SORCS1: variants seen among roughly 807,000 people sequenced by gnomAD.
The protein encoded by SORCS1 is VPS10 domain-containing receptor SorCS1.
In SORCS1, 60 loss-of-function variants were observed where a neutral mutation model predicts 146.1. The ratio of observed to expected loss-of-function variants is 0.41; its 90% CI spans 0.33 to 0.51. The LOEUF (loss-of-function observed/expected upper bound fraction) is 0.51, where lower values mean the gene tolerates loss of function less well. Among genes scored for constraint, SORCS1 ranks in the 20% least tolerant of loss-of-function variants. The pLI is 0.21. For missense variants in SORCS1, 1,352 were observed against 1,487.6 expected (o/e 0.91, Z 1.50); for synonymous variants, 637 against 584.0 (o/e 1.09, Z -1.31).
chr10:106,574,223 A>T lies in SORCS1; in HGVS notation c.*3197T>A, dbSNP rs1162669860. Reference sequence around the variant, plus strand: ...GCAAACCTCTGCATTTTGGACAGTGAATCCAATTAAAAATAAGGCAAGGTA... The same window carrying T: ...GCAAACCTCTGCATTTTGGACAGTGTATCCAATTAAAAATAAGGCAAGGTA... On this transcript the variant is annotated 3_prime_UTR_variant, in exon 26 of 26. Transcript: ENST00000263054. 6.6e-6 allele frequency: 1 copy of T among 152,638 alleles called. No individual in the cohort carries two copies. The highest frequency in any genetic ancestry group is 1.5e-5 in the Non-Finnish European group (1 of 68,042). The allele number at this position is 152,638 out of a possible 1,614,324, so 9.5% of individuals were successfully genotyped here.
chr10:106,989,282 A>G (rs1271726257), intron 1 of SORCS1, among the ~76,000 whole-genome samples: 3 of 136,200 alleles, frequency 2.2e-5, no homozygotes, highest in Non-Finnish European at 1.7e-5. Flanking sequence ...AAAAAAAAAA[A>G]AAAAAAAAAA....
At chr10:106,652,014 TAGC>T (rs1167796472) in intron 18 of SORCS1, among the ~76,000 whole-genome samples, 1 of 152,204 alleles carries the variant, frequency 6.6e-6, no homozygotes, top group Non-Finnish European at 1.5e-5. Flanking sequence ...ATGAAAGTAT[TAGC>T]ATCTCTTAGG....
chr10:106,914,203 C>T (rs1428367433), intron 2 of SORCS1, among the ~76,000 whole-genome samples: 1 of 152,166 alleles, frequency 6.6e-6, no homozygotes, highest in Non-Finnish European at 1.5e-5. Context: ...GAGGAGGATG[C>T]TGGGTTTTAA....
At chr10:106,968,086 T>C (rs1589814758) in intron 1 of SORCS1, among the ~76,000 whole-genome samples, 1 of 150,050 alleles carries the variant, frequency 6.7e-6, no homozygotes, top group African/African-American at 2.4e-5. Flanking sequence ...GGCGGGTGCC[T>C]GTAGTCCCAG....
At chr10:106,721,813 T>C (rs1053838955) in intron 6 of SORCS1, among the ~76,000 whole-genome samples, 1 of 152,238 alleles carries the variant, frequency 6.6e-6, no homozygotes, top group African/African-American at 2.4e-5. Context: ...TATGTGTGTA[T>C]GTGTATATAT....
rs548788206 is a variant in SORCS1 at position 106,710,653 on chromosome 10, C to T, written c.1025-1312G>A. 2.6e-5 allele frequency among the ~76,000 whole-genome samples: 4 copies of T among 152,216 alleles called. No homozygotes were observed. The East Asian group carries it at 7.7e-4, about 29-fold the overall frequency. ...TTGAGCACACTATCCTGGCCTCTAT[C>T]TAATCAGATTATGTTACTCCCTTAC... On this transcript the variant is annotated intron_variant, in intron 6 of 25. Coordinates refer to ENST00000263054, the MANE Select transcript of SORCS1 (RefSeq NM_052918.5).
At chr10:106,997,815 C>T (rs1167060237) in intron 1 of SORCS1, among the ~76,000 whole-genome samples, 2 of 152,222 alleles carry the variant, frequency 1.3e-5, no homozygotes, top group Non-Finnish European at 2.9e-5. Flanking sequence ...CTCCAACACA[C>T]TAAGTAGCAT....
At chr10:106,925,947 AAAT>A (rs1195695564) in intron 2 of SORCS1, among the ~76,000 whole-genome samples, 1 of 152,228 alleles carries the variant, frequency 6.6e-6, no homozygotes, top group African/African-American at 2.4e-5. Context: ...TATGAAAAAT[AAAT>A]AATGTTTTAT....
At position 107,030,455 on chromosome 10, in the gene SORCS1, C is replaced by A. The variant is rs533161057; in HGVS notation, c.559-73875G>T. On this transcript the variant is annotated intron_variant, in intron 1 of 25. Transcript: ENST00000263054. ...TCTCTACGCTTTTGCCTGTGTCCCA[C>A]ACTTTATGTCTCAGTTCTCCACACC... Among the ~76,000 whole-genome samples the A allele has an allele frequency of 1.5e-3, 224 of 152,318 alleles. 2 individuals are homozygous for A. The highest frequency in any genetic ancestry group is 5.2e-3 in the African/African-American group (216 of 41,578).
intron 2 of SORCS1, among the ~76,000 whole-genome samples, chr10:106,909,067 C>T (rs1952030489): frequency 6.6e-6 from 1 of 152,194 alleles, no homozygotes; most frequent in Non-Finnish European, 1.5e-5. Context: ...AACCACACAA[C>T]AGCCACTAAG....
At chr10:106,934,410 C>A (rs1032881134) in intron 2 of SORCS1, among the ~76,000 whole-genome samples, 2 of 149,500 alleles carry the variant, frequency 1.3e-5, no homozygotes, top group African/African-American at 5.1e-5. Flanking sequence ...GGCGCCACCA[C>A]CACACCCGGC....
At chr10:106,625,051 G>A (rs550534170) in intron 19 of SORCS1, among the ~76,000 whole-genome samples, 3 of 152,328 alleles carry the variant, frequency 2.0e-5, no homozygotes, top group Non-Finnish European at 4.4e-5. Context: ...AGTAGGTGGC[G>A]CTGCATCATT....
intron 1 of SORCS1, among the ~76,000 whole-genome samples, chr10:107,133,490 T>C (rs1967024405): frequency 6.6e-6 from 1 of 152,160 alleles, no homozygotes; most frequent in African/African-American, 2.4e-5. Flanking sequence ...TTTGAGGCTA[T>C]TTCTGAAGCC....
chr10:106,704,989 G>C (rs963371800), intron 8 of SORCS1, among the ~76,000 whole-genome samples: 3 of 151,992 alleles, frequency 2.0e-5, no homozygotes, highest in African/African-American at 7.3e-5. Context: ...ACCTTCCTAA[G>C]AGATTATCAG....
At chr10:107,074,530 C>T (rs932412942) in intron 1 of SORCS1, among the ~76,000 whole-genome samples, 2 of 152,154 alleles carry the variant, frequency 1.3e-5, no homozygotes, top group Non-Finnish European at 2.9e-5. Context: ...TTCGTGTGGA[C>T]ATAAGTTTTC....
At chr10:106,910,803 A>AT (rs1564800708) in intron 2 of SORCS1, among the ~76,000 whole-genome samples, 1 of 152,066 alleles carries the variant, frequency 6.6e-6, no homozygotes, top group African/African-American at 2.4e-5. Context: ...TTCACTTTTA[A>AT]TTTTTTTCTT....
chr10:107,115,549 A>G lies in SORCS1; in HGVS notation c.558+48420T>C, dbSNP rs137966830. On this transcript the variant is annotated intron_variant, in intron 1 of 25. Transcript: ENST00000263054. The stretch of plus-strand genomic sequence containing the variant: ...ATGATGCTTGGAAAACAATATCCAT[A>G]CGCAGAAAAATTAAATTCTTTTACT... 1.1e-3 allele frequency among the ~76,000 whole-genome samples: 166 copies of G among 152,190 alleles called. 2 individuals carry two copies. Among genetic ancestry groups the G allele is most frequent in the African/African-American group, 4.0e-3 (165 of 41,584 alleles).
At chr10:106,859,501 C>G (rs1176053126) in intron 2 of SORCS1, among the ~76,000 whole-genome samples, 3 of 152,218 alleles carry the variant, frequency 2.0e-5, no homozygotes, top group Non-Finnish European at 4.4e-5. Context: ...TCAAGCGATT[C>G]TCCTGCCTCA....
At chr10:107,013,513 A>C (rs879939827) in intron 1 of SORCS1, among the ~76,000 whole-genome samples, 3 of 152,078 alleles carry the variant, frequency 2.0e-5, no homozygotes, top group Non-Finnish European at 4.4e-5. Flanking sequence ...ATTGTATTTT[A>C]TTTCATTGCT....
Sources: gnomAD v4.1 joint callset for allele counts (sites outside exome capture counted in the v4.1 genomes callset) on GRCh38, gnomAD v4.1.1 for gene constraint, MANE v1.5 for transcripts, NCBI Gene and HGNC (gene_info 2026-07-23, HGNC 2026-07-21) for gene names.